The following USP37 variants were observed in gnomAD, a reference collection of about 807,000 sequenced individuals.
The protein encoded by USP37 is ubiquitin carboxyl-terminal hydrolase 37.
USP37 carries 27 observed loss-of-function variants against 124.0 expected under a neutral mutation model. The ratio of observed to expected loss-of-function variants is 0.22; its 90% CI spans 0.16 to 0.30. The LOEUF (loss-of-function observed/expected upper bound fraction) is 0.30. Among genes scored for constraint, USP37 ranks in the 10% least tolerant of loss-of-function variants. USP37 has a pLI of 1.00. For missense variants in USP37, 889 were observed against 1,140.4 expected (o/e 0.78, Z 3.17); for synonymous variants, 365 against 388.0 (o/e 0.94, Z 0.70).
intron 10 of USP37, chr2:218,528,887 C>T: frequency 2.7e-6 from 1 of 376,816 alleles, no homozygotes; most frequent in Non-Finnish European, 4.6e-6. Context: ...CTAGCCTTTT[C>T]CAATTTATTA....
At chr2:218,456,287 A>C (rs1167702278) in intron 24 of USP37, among the ~76,000 whole-genome samples, 1 of 151,902 alleles carries the variant, frequency 6.6e-6, no homozygotes, top group African/African-American at 2.4e-5. Flanking sequence ...CGTCCATACA[A>C]AAAATTTAAA....
At chr2:218,487,613 G>C (rs1180650340) in intron 15 of USP37, among the ~76,000 whole-genome samples, 3 of 151,874 alleles carry the variant, frequency 2.0e-5, no homozygotes, top group Non-Finnish European at 4.4e-5. Flanking sequence ...TAGAGACCGG[G>C]TTTCACCATG....
intron 10 of USP37, among the ~76,000 whole-genome samples, chr2:218,519,829 T>G (rs1361481565): frequency 2.0e-5 from 3 of 152,042 alleles, no homozygotes; most frequent in Non-Finnish European, 2.9e-5. Context: ...GGTCTTGCAC[T>G]CCTGACCTCA....
chr2:218,467,926 C>T (rs1191676511), intron 20 of USP37, among the ~76,000 whole-genome samples: 6 of 148,120 alleles, frequency 4.1e-5, no homozygotes, highest in South Asian at 2.1e-4. Context: ...CTTGCTCTGT[C>T]GCCCAGGGTG....
chr2:218,531,514 G>A (rs1446580327), intron 9 of USP37, among the ~76,000 whole-genome samples: 5 of 152,130 alleles, frequency 3.3e-5, no homozygotes, highest in Admixed American at 6.5e-5. Flanking sequence ...TTGTTTTCAC[G>A]CCTACTAACT....
chr2:218,457,255 GC>G, intron 23 of USP37, 94 bp from the exon 24 acceptor site: 1 of 1,240,014 alleles, frequency 8.1e-7, no homozygotes, highest in Non-Finnish European at 1.1e-6. Flanking sequence ...ACATGGCTAA[GC>G]TTTGGTATGT....
At chr2:218,470,500 T>G (rs1690619833) in intron 20 of USP37, among the ~76,000 whole-genome samples, 2 of 152,224 alleles carry the variant, frequency 1.3e-5, no homozygotes, top group South Asian at 4.1e-4. Context: ...AAATAATTGT[T>G]TGCTTAAAAT....
At chr2:218,507,088 C>T (rs1015595631) in intron 11 of USP37, among the ~76,000 whole-genome samples, 2 of 151,272 alleles carry the variant, frequency 1.3e-5, no homozygotes, top group Admixed American at 6.6e-5. Flanking sequence ...GTGAGTGGTG[C>T]CTGGATTTTT....
intron 11 of USP37, among the ~76,000 whole-genome samples, chr2:218,508,250 T>C (rs1326068627): frequency 6.6e-6 from 1 of 152,062 alleles, no homozygotes; most frequent in Non-Finnish European, 1.5e-5. Context: ...CCTTTAGACC[T>C]GGTAGTTTTC....
intron 15 of USP37, chr2:218,486,180 C>G (rs1330955323): frequency 6.5e-6 from 1 of 153,646 alleles, no homozygotes; most frequent in Non-Finnish European, 1.4e-5. Flanking sequence ...TAATGGAACT[C>G]AATCTTCTCG....
intron 4 of USP37, 86 bp downstream of exon 4, chr2:218,558,412 C>T (rs1693142470): frequency 8.3e-7 from 1 of 1,202,310 alleles, no homozygotes; most frequent in Non-Finnish European, 1.1e-6. Flanking sequence ...AGGAGGAGGG[C>T]TACTGTGATG....
chr2:218,460,259 A>C (rs61051887), intron 22 of USP37, among the ~76,000 whole-genome samples: 5,936 of 132,908 alleles, frequency 0.045, 363 homozygotes, highest in African/African-American at 0.18. Context: ...ACTCTGTCCC[A>C]AAAAAAAAAA....
chr2:218,505,197 T>G (rs1689613433), intron 11 of USP37, among the ~76,000 whole-genome samples: 1 of 152,078 alleles, frequency 6.6e-6, no homozygotes, highest in African/African-American at 2.4e-5. Flanking sequence ...TTTTGTATTT[T>G]TTGTAGAGAT....
Position 218,463,357 on chromosome 2 carries a change from C to T in USP37, c.2476G>A (p.Glu826Lys), listed in dbSNP as rs780176473. 1.5e-5 allele frequency: 25 copies of T among 1,613,848 alleles called. No individual in the cohort carries two copies. Among genetic ancestry groups the T allele is most frequent in the Non-Finnish European group, 2.1e-5 (25 of 1,179,968 alleles). The stretch of plus-strand genomic sequence containing the variant: ...TTGAGGTCATCATCTTCTTTCTGTT[C>T]CCAAGCCTCCTAAAGGGAAAAGAAC... ...AQSLQEQEAW[E>K]QKEDDDLKRA... The change falls in exon 22 of 26, where the codon GAA (glutamate) becomes AAA (lysine). Residue 826 changes from glutamate (E) to lysine (K), a missense_variant. By Grantham distance (56) the Glu-to-Lys change is moderately conservative (BLOSUM62 1). Coordinates refer to ENST00000258399, the MANE Select transcript of USP37 (RefSeq NM_020935.3).
At chr2:218,523,994 C>T (rs978279028) in intron 10 of USP37, among the ~76,000 whole-genome samples, 26 of 152,096 alleles carry the variant, frequency 1.7e-4, no homozygotes, top group Non-Finnish European at 2.9e-4. Context: ...GAACATAATG[C>T]TCTGTTCCTA....
chr2:218,483,611 A>C (rs1428989671), intron 16 of USP37, among the ~76,000 whole-genome samples: 2 of 151,934 alleles, frequency 1.3e-5, no homozygotes, highest in Non-Finnish European at 2.9e-5. Flanking sequence ...AAAAAAAGAA[A>C]AAAAAGAAAG....
At chr2:218,523,711 C>A (rs1690796385) in intron 10 of USP37, among the ~76,000 whole-genome samples, 2 of 152,138 alleles carry the variant, frequency 1.3e-5, no homozygotes, top group Non-Finnish European at 2.9e-5. Context: ...AGCCACTGAA[C>A]CCGGCCTAGA....
In USP37 at chr2:218,453,698, AC is replaced by A. The variant is rs1302208070; in HGVS notation, c.*1231del. 2.6e-5 allele frequency: 4 copies of A among 152,198 alleles called. No homozygotes were observed. The highest frequency in any genetic ancestry group is 9.7e-5 in the African/African-American group (4 of 41,446). 9.4% of individuals were successfully genotyped at this position (152,198 alleles called of 1,614,324 possible). On this transcript the variant is annotated 3_prime_UTR_variant, in exon 26 of 26. Coordinates refer to ENST00000258399, the MANE Select transcript of USP37 (RefSeq NM_020935.3). Reference sequence around the variant, plus strand: ...GCTCTACTTTGCCTCAACTCAGAGCACCTAAAAAGTAGATAAATAAATTATG... The same window carrying A: ...GCTCTACTTTGCCTCAACTCAGAGCACTAAAAAGTAGATAAATAAATTATG...
intron 24 of USP37, among the ~76,000 whole-genome samples, chr2:218,456,325 C>T (rs190458570): frequency 6.6e-6 from 1 of 151,888 alleles, no homozygotes; most frequent in African/African-American, 2.4e-5. Flanking sequence ...GTGGCATGCA[C>T]GTGTAGTCGC....
Sources: allele counts gnomAD v4.1 joint callset (sites outside exome capture counted in the v4.1 genomes callset), GRCh38; gene constraint gnomAD v4.1.1; transcripts MANE v1.5; gene names NCBI Gene and HGNC (gene_info 2026-07-23, HGNC 2026-07-21).